The following TRAPPC12 variants were observed in gnomAD, a reference collection of about 807,000 sequenced individuals.
The protein encoded by TRAPPC12 is TPR repeat protein 15.
TRAPPC12 carries 61 observed loss-of-function variants against 69.2 expected under a neutral mutation model. The observed-to-expected ratio is 0.88, with a 90% CI of 0.72 to 1.09. TRAPPC12 has a LOEUF of 1.09. Ranked by LOEUF, TRAPPC12 falls within the 50% of genes least tolerant of loss-of-function variation. The pLI, the probability that TRAPPC12 is intolerant of heterozygous loss-of-function variation, is 0.00. For synonymous variants in TRAPPC12, 469 were observed against 438.9 expected, an observed-to-expected ratio of 1.07 and a Z score of -0.86; for missense variants, 1,101 against 1,016.4, an observed-to-expected ratio of 1.08 and a Z score of -1.13.
intron 5 of TRAPPC12, among the ~76,000 whole-genome samples, chr2:3,432,279 A>C (rs531290792): frequency 1.3e-5 from 2 of 152,252 alleles, no homozygotes; most frequent in Non-Finnish European, 2.9e-5. Flanking sequence ...ATCAGGTCAA[A>C]TTAAAGTGGA....
chr2:3,402,011 A>C, intron 3 of TRAPPC12, 118 bp downstream of exon 3: 1 of 727,658 alleles, frequency 1.4e-6, no homozygotes, highest in Non-Finnish European at 2.2e-6. Context: ...GCACATAAGT[A>C]GAATTTTGTT....
intron 10 of TRAPPC12, 163 bp from the exon 11 acceptor site, chr2:3,478,683 A>C: frequency 1.7e-6 from 1 of 605,194 alleles, no homozygotes; most frequent in Non-Finnish European, 2.9e-6. Context: ...TGCGAGCCTG[A>C]ATGCAAAACG....
At chr2:3,465,029 A>C (rs1049268270) in intron 8 of TRAPPC12, among the ~76,000 whole-genome samples, 5 of 152,212 alleles carry the variant, frequency 3.3e-5, no homozygotes, top group African/African-American at 1.2e-4. Context: ...GGAAGGTCTC[A>C]TGCGTGCCGC....
intron 3 of TRAPPC12, among the ~76,000 whole-genome samples, chr2:3,410,597 T>G (rs1662004010): frequency 6.6e-6 from 1 of 152,208 alleles, no homozygotes; most frequent in Admixed American, 6.5e-5. Flanking sequence ...ACATAGTGGG[T>G]ATAAAATGAG....
At chr2:3,443,970 T>G in intron 6 of TRAPPC12, 79 bp downstream of exon 6, 1 of 1,098,334 alleles carries the variant, frequency 9.1e-7, no homozygotes, top group Non-Finnish European at 1.4e-6. Flanking sequence ...GCCCGTGCTG[T>G]TCCCTGCCCG....
At chr2:3,478,729 G>C in intron 10 of TRAPPC12, 117 bp from the exon 11 acceptor site, 1 of 806,386 alleles carries the variant, frequency 1.2e-6, no homozygotes, top group South Asian at 1.7e-5. Context: ...CAGGAACCCC[G>C]GGCCACACAG....
At chr2:3,421,124 G>C (rs1662758078) in intron 3 of TRAPPC12, among the ~76,000 whole-genome samples, 1 of 152,186 alleles carries the variant, frequency 6.6e-6, no homozygotes, top group South Asian at 2.1e-4. Context: ...GTTACATTGA[G>C]AAAAGACAGA....
rs1660956571 is a variant in TRAPPC12, at chr2:3,393,681, C to T, written c.1047+5011C>T. ...TTTAAAAATATGCCTTTTCTATTTA[C>T]CCACATTTAAAAAAAAAAAAAAAGA... is the stretch of plus-strand genomic sequence containing the variant. On this transcript the variant is annotated intron_variant, in intron 2 of 11. Coordinates refer to ENST00000324266, the MANE Select transcript of TRAPPC12 (RefSeq NM_016030.6). 3.6e-5 allele frequency among the ~76,000 whole-genome samples: 4 copies of T among 111,552 alleles called. No homozygotes were observed. The South Asian group carries it at 1.3e-3, about 36-fold the overall frequency. The allele number at this position is 111,552 out of a possible 152,430, so 73.2% of individuals were successfully genotyped here.
chr2:3,478,604 A>T (rs536614758), intron 10 of TRAPPC12: 73 of 434,860 alleles, frequency 1.7e-4, no homozygotes, highest in African/African-American at 1.4e-3. Context: ...ACTGCACTAC[A>T]GCCTGGGCAA....
intron 9 of TRAPPC12, among the ~76,000 whole-genome samples, chr2:3,468,562 C>G (rs1398843043): frequency 6.6e-6 from 1 of 152,176 alleles, no homozygotes; most frequent in Non-Finnish European, 1.5e-5. Flanking sequence ...TTTCCTATGT[C>G]TTGAGGATGG....
At chr2:3,413,459 G>A (rs1572119216) in intron 3 of TRAPPC12, among the ~76,000 whole-genome samples, 1 of 152,152 alleles carries the variant, frequency 6.6e-6, no homozygotes, top group African/African-American at 2.4e-5. Flanking sequence ...AGTGGTGTTC[G>A]GTTAGTGAAC....
intron 10 of TRAPPC12, chr2:3,478,582 C>T (rs554351143): frequency 4.3e-5 from 14 of 326,020 alleles, no homozygotes; most frequent in Middle Eastern, 8.7e-4. Context: ...TGCGGTGAGC[C>T]GAGATCGTGC....
At chr2:3,389,062 G>C (rs1660673233) in intron 2 of TRAPPC12, 1 of 171,666 alleles carries the variant, frequency 5.8e-6, no homozygotes, top group Non-Finnish European at 1.2e-5. Flanking sequence ...ATTTTTATAG[G>C]TTGAATAAGA....
chr2:3,394,493 C>T (rs559738517), intron 2 of TRAPPC12, among the ~76,000 whole-genome samples: 20 of 152,202 alleles, frequency 1.3e-4, no homozygotes, highest in African/African-American at 4.1e-4. Flanking sequence ...TGGTGGTGCA[C>T]GCCTGTAGTC....
At chr2:3,456,059 G>C (rs141792779) in intron 6 of TRAPPC12, 2 of 152,190 alleles carry the variant, frequency 1.3e-5, no homozygotes, top group African/African-American at 2.4e-5. Context: ...TCATTCATTA[G>C]AAGGCAGATT....
chr2:3,407,803 GAAAA>G (rs977099217), intron 3 of TRAPPC12, among the ~76,000 whole-genome samples: 2 of 150,508 alleles, frequency 1.3e-5, no homozygotes, highest in Non-Finnish European at 3.0e-5. Flanking sequence ...TTCAAAAAAA[GAAAA>G]AAAAGAAAAA....
rs893459074 is a variant in TRAPPC12 at position 3,387,613 on chromosome 2, C to T, written c.-4-7C>T. On this transcript the variant is annotated splice_region_variant and splice_polypyrimidine_tract_variant and intron_variant, in intron 1 of 11. Coordinates refer to ENST00000324266, the MANE Select transcript of TRAPPC12 (RefSeq NM_016030.6). ...CTCAGGGGCCTTCTCTCTGTCTTTGCTTTCAGGGTCATGGAGGACGCTGGC... is the reference window on the plus strand; with the variant it reads ...CTCAGGGGCCTTCTCTCTGTCTTTGTTTTCAGGGTCATGGAGGACGCTGGC... 18 of 1,521,292 alleles carry T rather than the reference C, an allele frequency of 1.2e-5. No individual in the cohort carries two copies. Among genetic ancestry groups the T allele is most frequent in the East Asian group, 5.0e-5 (2 of 40,040 alleles). The allele number at this position is 1,521,292 out of a possible 1,614,324, so 94.2% of individuals were successfully genotyped here. A position where few individuals can be genotyped will look rare whatever the true frequency, so the allele number is the denominator to read the frequency against.
intron 5 of TRAPPC12, among the ~76,000 whole-genome samples, chr2:3,433,134 G>T (rs1663538555): frequency 6.6e-6 from 1 of 152,068 alleles, no homozygotes; most frequent in Non-Finnish European, 1.5e-5. Flanking sequence ...TGCTTGGCCG[G>T]GCACAGACAC....
intron 2 of TRAPPC12, among the ~76,000 whole-genome samples, chr2:3,397,207 G>A (rs991406529): frequency 2.0e-5 from 3 of 152,168 alleles, no homozygotes; most frequent in Admixed American, 6.5e-5. Flanking sequence ...ATTCTGACAA[G>A]CAAGTAACTT....
Sources: gnomAD v4.1 joint callset for allele counts (sites outside exome capture counted in the v4.1 genomes callset) on GRCh38, gnomAD v4.1.1 for gene constraint, MANE v1.5 for transcripts, NCBI Gene and HGNC (gene_info 2026-07-23, HGNC 2026-07-21) for gene names.